The following PHACTR1 variants were observed in gnomAD, a reference collection of about 807,000 sequenced individuals.
The protein encoded by PHACTR1 is phosphatase and actin regulator 1, also known as RPEL repeat containing 1.
In PHACTR1, 16 loss-of-function variants were observed where a neutral mutation model predicts 69.2. That is an observed-to-expected ratio of 0.23 (90% confidence interval 0.16 to 0.35). The LOEUF (loss-of-function observed/expected upper bound fraction) is 0.35. Ranked by LOEUF, PHACTR1 falls within the 10% of genes least tolerant of loss-of-function variation. PHACTR1 has a pLI of 1.00. For missense variants in PHACTR1, 510 were observed against 734.7 expected (o/e 0.69, Z 3.54); for synonymous variants, 312 against 284.5 (o/e 1.10, Z -0.97).
At chr6:13,071,408 A>G (rs545951072) in intron 5 of PHACTR1, among the ~76,000 whole-genome samples, 66 of 152,228 alleles carry the variant, frequency 4.3e-4, no homozygotes, top group African/African-American at 1.6e-3. Context: ...AGCCTGGGTG[A>G]CAGAGTGAGA....
intron 3 of PHACTR1, among the ~76,000 whole-genome samples, chr6:12,748,102 C>T (rs1454028690): frequency 3.3e-5 from 5 of 152,028 alleles, no homozygotes; most frequent in Non-Finnish European, 5.9e-5. Flanking sequence ...GATGAAAGGA[C>T]GAGATTGGAG....
chr6:13,250,436 G>A (rs1179485826), intron 10 of PHACTR1, among the ~76,000 whole-genome samples: 6 of 152,102 alleles, frequency 3.9e-5, no homozygotes, highest in Admixed American at 2.0e-4. Flanking sequence ...CTGGGAATAC[G>A]GTCCAGTTTT....
rs140891842 is a variant in PHACTR1, at chr6:12,890,078, C to A, written c.250+140288C>A. Among the ~76,000 whole-genome samples, 403 of 152,190 alleles carry A rather than the reference C, an allele frequency of 2.6e-3. 1 individual carries two copies. Among genetic ancestry groups the A allele is most frequent in the African/African-American group, 9.4e-3 (389 of 41,546 alleles). On this transcript the variant is annotated intron_variant, in intron 4 of 14. Transcript: ENST00000332995. ...GATGAGCGAGGGCTAGTGAGCATTC[C>A]CGCCTGAGCTCCATCTCCTACCAAA...
chr6:13,014,736 AG>A (rs1387831378), intron 4 of PHACTR1, among the ~76,000 whole-genome samples: 3 of 143,900 alleles, frequency 2.1e-5, no homozygotes, highest in African/African-American at 7.9e-5. Flanking sequence ...GAGGTGGGGG[AG>A]GGGGCGCGCA....
chr6:12,957,484 G>A, intron 4 of PHACTR1: 2 of 985,500 alleles, frequency 2.0e-6, no homozygotes, highest in Non-Finnish European at 2.4e-6. Flanking sequence ...CCAATGTCAA[G>A]TAAAACGCAG....
At chr6:13,097,881 GC>G (rs1814537612) in intron 5 of PHACTR1, among the ~76,000 whole-genome samples, 1 of 152,052 alleles carries the variant, frequency 6.6e-6, no homozygotes, top group South Asian at 2.1e-4. Context: ...AGACAGGAAT[GC>G]CCCCAACTTC....
intron 4 of PHACTR1, among the ~76,000 whole-genome samples, chr6:13,017,684 G>A (rs4331981): frequency 0.82 from 124,725 of 152,086 alleles, 51,322 homozygotes; most frequent in East Asian, 0.98. Context: ...ACACATTTCT[G>A]TGTGCATTTG....
chr6:12,787,013 C>T (rs1771623813), intron 4 of PHACTR1, among the ~76,000 whole-genome samples: 1 of 152,064 alleles, frequency 6.6e-6, no homozygotes, highest in Non-Finnish European at 1.5e-5. Context: ...AAAATACTGC[C>T]AGGGAAAATA....
intron 4 of PHACTR1, among the ~76,000 whole-genome samples, chr6:12,971,786 G>A (rs1465837276): frequency 6.6e-6 from 1 of 152,212 alleles, no homozygotes; most frequent in African/African-American, 2.4e-5. Context: ...TTTATGATAT[G>A]TAAATTATGT....
intron 6 of PHACTR1, among the ~76,000 whole-genome samples, chr6:13,177,185 A>AAAAAAAAAAAAAAAAAAAAAAAAAAAG: frequency 6.7e-6 from 1 of 148,236 alleles, no homozygotes; most frequent in Non-Finnish European, 1.5e-5. Flanking sequence ...AAAAAAAAAA[A>AAAAAAAAAAAAAAAAAAAAAAAAAAAG]AAAAAAAAAA....
At chr6:12,884,836 TAC>T (rs969607679) in intron 4 of PHACTR1, among the ~76,000 whole-genome samples, 1 of 151,976 alleles carries the variant, frequency 6.6e-6, no homozygotes, top group Non-Finnish European at 1.5e-5. Context: ...CACAAACACA[TAC>T]ACACACACAA....
intron 4 of PHACTR1, among the ~76,000 whole-genome samples, chr6:12,787,056 C>A (rs957305926): frequency 6.6e-6 from 1 of 152,280 alleles, no homozygotes; most frequent in Non-Finnish European, 1.5e-5. Flanking sequence ...AAGTCAGGAC[C>A]ATTTTCCAAC....
At chr6:13,233,461 GA>G (rs1379733792) in intron 10 of PHACTR1, among the ~76,000 whole-genome samples, 7 of 152,176 alleles carry the variant, frequency 4.6e-5, no homozygotes, top group Admixed American at 3.3e-4. Context: ...AATTTATAAA[GA>G]AAAGAGGTTT....
Position 13,058,490 on chromosome 6 carries a change from G to A in PHACTR1, c.415+4961G>A, listed in dbSNP as rs139622770. ...CCACCACATGCCGGAATGTCACCTGGCTCTGGGTATATAGCCATGAGCCAA... is the reference window on the plus strand; with the variant it reads ...CCACCACATGCCGGAATGTCACCTGACTCTGGGTATATAGCCATGAGCCAA... On this transcript the variant is annotated intron_variant, in intron 5 of 14. Coordinates refer to ENST00000332995, the MANE Select transcript of PHACTR1 (RefSeq NM_030948.6). Among the ~76,000 whole-genome samples the A allele has an allele frequency of 8.0e-4, 122 of 152,280 alleles. 1 individual carries two copies. The highest frequency in any genetic ancestry group is 3.4e-3 in the Middle Eastern group (1 of 294).
chr6:12,797,179 T>C (rs1561891459), intron 4 of PHACTR1, among the ~76,000 whole-genome samples: 1 of 152,004 alleles, frequency 6.6e-6, no homozygotes, highest in Non-Finnish European at 1.5e-5. Context: ...GCGGGACAGA[T>C]TGATAACATG....
chr6:13,036,557 T>A (rs935177395), intron 4 of PHACTR1, among the ~76,000 whole-genome samples: 2 of 152,208 alleles, frequency 1.3e-5, no homozygotes, highest in Non-Finnish European at 2.9e-5. Flanking sequence ...TCTTGTGGCA[T>A]ATGGGACAAA....
intron 8 of PHACTR1, among the ~76,000 whole-genome samples, chr6:13,220,090 C>T (rs4715167): frequency 0.57 from 86,816 of 152,076 alleles, 26,163 homozygotes; most frequent in Admixed American, 0.68. Flanking sequence ...ACATTTACAA[C>T]ACGCTTTCAT....
At chr6:13,105,912 G>C (rs1816053542) in intron 5 of PHACTR1, among the ~76,000 whole-genome samples, 1 of 152,164 alleles carries the variant, frequency 6.6e-6, no homozygotes, top group African/African-American at 2.4e-5. Context: ...CTGATATAAA[G>C]TTGTTTATCA....
intron 4 of PHACTR1, among the ~76,000 whole-genome samples, chr6:12,949,425 C>T (rs1216742566): frequency 6.6e-6 from 1 of 152,256 alleles, no homozygotes; most frequent in Non-Finnish European, 1.5e-5. Flanking sequence ...TCTTCCAGCA[C>T]AGACACCACT....
Sources: gnomAD v4.1 joint callset for allele counts (sites outside exome capture counted in the v4.1 genomes callset) on GRCh38, gnomAD v4.1.1 for gene constraint, MANE v1.5 for transcripts, NCBI Gene and HGNC (gene_info 2026-07-23, HGNC 2026-07-21) for gene names.